ARID5B: variants seen among roughly 807,000 people sequenced by gnomAD.
ARID5B encodes the protein AT-rich interactive domain-containing protein 5B.
A neutral mutation model predicts 97.2 loss-of-function variants in ARID5B; 13 were observed. The observed-to-expected ratio is 0.13, with a 90% CI of 0.09 to 0.21. The LOEUF (loss-of-function observed/expected upper bound fraction) is 0.21. Among genes scored for constraint, ARID5B ranks in the 10% least tolerant of loss-of-function variants. ARID5B has a pLI of 1.00. For missense variants in ARID5B, 1,210 were observed against 1,465.3 expected (o/e 0.83, Z 2.84); for synonymous variants, 556 against 570.3 (o/e 0.97, Z 0.36).
At chr10:61,934,257 T>A (rs774687674) in intron 2 of ARID5B, among the ~76,000 whole-genome samples, 47 of 152,236 alleles carry the variant, frequency 3.1e-4, no homozygotes, top group Non-Finnish European at 6.0e-4. Flanking sequence ...GTGGCCTGTT[T>A]GATCTTTCTA....
chr10:61,902,144 T>A lies in ARID5B; in HGVS notation c.22-15T>A, dbSNP rs56102370. On this transcript the variant is annotated splice_polypyrimidine_tract_variant and intron_variant, in intron 1 of 9. Coordinates refer to ENST00000279873, the MANE Select transcript of ARID5B (RefSeq NM_032199.3). ...GGCTACATTATTTATTTGGTGTTTT[T>A]TTCCCCCCCTGCAGTGGGTCGGCTC... is the stretch of plus-strand genomic sequence containing the variant. The A allele has an allele frequency of 6.2e-7, 1 of 1,610,622 alleles. No homozygotes were observed. The highest frequency in any genetic ancestry group is 8.5e-7 in the Non-Finnish European group (1 of 1,179,132).
intron 4 of ARID5B, among the ~76,000 whole-genome samples, chr10:62,001,189 A>G (rs770461696): frequency 6.6e-6 from 1 of 152,114 alleles, no homozygotes; most frequent in Admixed American, 6.5e-5. Context: ...CAGGCTGGGC[A>G]GGGATGTCAG....
chr10:61,998,826 G>T (rs1330550643), intron 3 of ARID5B, among the ~76,000 whole-genome samples: 1 of 152,106 alleles, frequency 6.6e-6, no homozygotes, highest in Admixed American at 6.5e-5. Flanking sequence ...ATCAAGTTGG[G>T]CTAGATCATG....
chr10:62,088,592 G>A (rs973344055), intron 9 of ARID5B, among the ~76,000 whole-genome samples: 2 of 152,180 alleles, frequency 1.3e-5, no homozygotes, highest in Non-Finnish European at 2.9e-5. Flanking sequence ...AGTGTCTCAG[G>A]TTTTGAAAGT....
At chr10:61,958,213 T>C (rs565347277) in intron 3 of ARID5B, among the ~76,000 whole-genome samples, 23 of 152,328 alleles carry the variant, frequency 1.5e-4, no homozygotes, top group African/African-American at 5.5e-4. Context: ...AACAACATTG[T>C]AAAAACTTAA....
chr10:62,077,873 G>C (rs973877490), intron 8 of ARID5B, among the ~76,000 whole-genome samples: 2 of 152,074 alleles, frequency 1.3e-5, no homozygotes, highest in Non-Finnish European at 2.9e-5. Flanking sequence ...CCTTCACAAA[G>C]GAACTATTGA....
intron 4 of ARID5B, among the ~76,000 whole-genome samples, chr10:62,048,979 ATCCT>A (rs1839748517): frequency 6.6e-6 from 1 of 152,242 alleles, no homozygotes; most frequent in Non-Finnish European, 1.5e-5. Flanking sequence ...TTGAAAGTAC[ATCCT>A]TCCCTCGCGG....
At chr10:62,020,342 G>A (rs1376731236) in intron 4 of ARID5B, among the ~76,000 whole-genome samples, 1 of 152,082 alleles carries the variant, frequency 6.6e-6, no homozygotes, top group Non-Finnish European at 1.5e-5. Flanking sequence ...AAAATAATTT[G>A]CATGATAATA....
At chr10:61,943,249 T>C (rs1844443244) in intron 3 of ARID5B, among the ~76,000 whole-genome samples, 1 of 152,228 alleles carries the variant, frequency 6.6e-6, no homozygotes, top group African/African-American at 2.4e-5. Flanking sequence ...CACAACTTTC[T>C]CTTCAGCCTC....
At chr10:61,997,327 C>T (rs1233232565) in intron 3 of ARID5B, among the ~76,000 whole-genome samples, 1 of 151,684 alleles carries the variant, frequency 6.6e-6, no homozygotes, top group East Asian at 1.9e-4. Context: ...GGAGCCGACT[C>T]CATCCAGAAC....
chr10:62,063,234 A>G (rs1243396624), intron 7 of ARID5B, among the ~76,000 whole-genome samples: 1 of 152,192 alleles, frequency 6.6e-6, no homozygotes, highest in Non-Finnish European at 1.5e-5. Flanking sequence ...CTTGAGAACA[A>G]AATGTGTGAA....
intron 4 of ARID5B, among the ~76,000 whole-genome samples, chr10:62,034,828 G>A (rs1010732438): frequency 9.9e-5 from 15 of 152,186 alleles, no homozygotes; most frequent in Non-Finnish European, 2.2e-4. Context: ...ACTTTCATCG[G>A]TAGGCACATT....
At chr10:61,994,769 A>T (rs1412844921) in intron 3 of ARID5B, among the ~76,000 whole-genome samples, 1 of 125,982 alleles carries the variant, frequency 7.9e-6, no homozygotes, top group Non-Finnish European at 1.7e-5. Flanking sequence ...ATTGACATTG[A>T]GAGAGGTTAA....
At chr10:61,908,700 T>C (rs905695726) in intron 2 of ARID5B, among the ~76,000 whole-genome samples, 40 of 146,338 alleles carry the variant, frequency 2.7e-4, no homozygotes, top group Non-Finnish European at 4.5e-4. Flanking sequence ...CTTGGGAGGC[T>C]GAGGCAGGAG....
intron 3 of ARID5B, among the ~76,000 whole-genome samples, chr10:61,969,712 A>G (rs1589239818): frequency 6.6e-6 from 1 of 152,122 alleles, no homozygotes; most frequent in East Asian, 1.9e-4. Flanking sequence ...TACCCAACCA[A>G]TTTTCACTCA....
chr10:61,956,312 T>G (rs886276154), intron 3 of ARID5B, among the ~76,000 whole-genome samples: 14 of 152,206 alleles, frequency 9.2e-5, no homozygotes, highest in African/African-American at 3.4e-4. Flanking sequence ...TGTGAGAATG[T>G]AACTAATGCC....
Position 62,093,156 on chromosome 10 carries a change from T to G in ARID5B, c.*126T>G, listed in dbSNP as rs1338423739. The G allele has an allele frequency of 7.1e-7, 1 of 1,403,722 alleles. No homozygotes were observed. Among genetic ancestry groups the G allele is most frequent in the Non-Finnish European group, 9.5e-7 (1 of 1,053,732 alleles). The allele number at this position is 1,403,722 out of a possible 1,614,324, so 87.0% of individuals were successfully genotyped here. A position where few individuals can be genotyped will look rare whatever the true frequency, so the allele number is the denominator to read the frequency against. On this transcript the variant is annotated 3_prime_UTR_variant, in exon 10 of 10. Coordinates refer to ENST00000279873, the MANE Select transcript of ARID5B (RefSeq NM_032199.3). The stretch of plus-strand genomic sequence containing the variant: ...ATCTGAGGCTATGATCAGTCCCAGC[T>G]GTAGGGGCCCAGAGGGGAGGTGAAC...
At chr10:62,024,859 A>T in intron 4 of ARID5B, 1 of 363,872 alleles carries the variant, frequency 2.7e-6, no homozygotes, top group East Asian at 3.8e-5. Flanking sequence ...TAAAATATCG[A>T]GAATGGCTCT....
At position 62,092,530 on chromosome 10, in the gene ARID5B, A is replaced by T; in HGVS notation, c.3067A>T (p.Ile1023Phe). 6.2e-7 allele frequency: 1 copy of T among 1,614,170 alleles called. No homozygotes were observed. Among genetic ancestry groups the T allele is most frequent in the Non-Finnish European group, 8.5e-7 (1 of 1,180,026 alleles). ...CAGCCTGGAGGATTTGGACCTTGTG[A>T]TTGCAGGGAAAAAGGCCCGGGCAGT... is the stretch of plus-strand genomic sequence containing the variant. ...KRSLEDLDLVIAGKKARAVSP... is the reference protein window; with the variant it reads ...KRSLEDLDLVFAGKKARAVSP... Residue 1023 changes from isoleucine (I) to phenylalanine (F), a missense_variant, in exon 10 of 10, where the codon ATT becomes TTT. Physicochemically the swap from Ile to Phe is conservative, Grantham distance 21. Coordinates refer to ENST00000279873, the MANE Select transcript of ARID5B (RefSeq NM_032199.3).
Sources: allele counts gnomAD v4.1 joint callset (sites outside exome capture counted in the v4.1 genomes callset), GRCh38; gene constraint gnomAD v4.1.1; transcripts MANE v1.5; gene names NCBI Gene and HGNC (gene_info 2026-07-23, HGNC 2026-07-21).